The following ROBO2 variants were observed in gnomAD, a reference collection of about 807,000 sequenced individuals.
ROBO2 encodes the protein roundabout guidance receptor 2.
Under a neutral mutation model 160.8 loss-of-function variants are expected in ROBO2, and 53 were observed. That is an observed-to-expected ratio of 0.33 (90% confidence interval 0.26 to 0.41). The LOEUF (loss-of-function observed/expected upper bound fraction) is 0.41, where lower values mean the gene tolerates loss of function less well. Among genes scored for constraint, ROBO2 ranks in the 10% least tolerant of loss-of-function variants. ROBO2 has a pLI of 1.00. For missense variants in ROBO2, 1,577 were observed against 1,722.4 expected (o/e 0.92, Z 1.49); for synonymous variants, 664 against 611.7 (o/e 1.09, Z -1.26).
At chr3:76,044,004 T>G (rs1164016798) in intron 2 of ROBO2, among the ~76,000 whole-genome samples, 1 of 152,096 alleles carries the variant, frequency 6.6e-6, no homozygotes, top group Non-Finnish European at 1.5e-5. Flanking sequence ...AAACAAATAC[T>G]TTTAATACCC....
intron 2 of ROBO2, among the ~76,000 whole-genome samples, chr3:76,480,828 G>C (rs1029033498): frequency 2.0e-5 from 3 of 152,124 alleles, no homozygotes; most frequent in African/African-American, 7.2e-5. Flanking sequence ...TCACCTGATA[G>C]AAATATCAAT....
At chr3:77,120,006 G>C (rs2074591338) in intron 2 of ROBO2, among the ~76,000 whole-genome samples, 1 of 152,146 alleles carries the variant, frequency 6.6e-6, no homozygotes, top group African/African-American at 2.4e-5. Flanking sequence ...TGACTGTTAT[G>C]ATAGAATGTT....
chr3:77,592,427 T>C (rs2153685828), intron 17 of ROBO2, among the ~76,000 whole-genome samples: 1 of 152,310 alleles, frequency 6.6e-6, no homozygotes, highest in African/African-American at 2.4e-5. Context: ...TTTTTAAATT[T>C]AAATTATTTT....
intron 2 of ROBO2, among the ~76,000 whole-genome samples, chr3:77,165,123 G>A (rs1298477880): frequency 6.6e-6 from 1 of 151,882 alleles, no homozygotes. Flanking sequence ...ATGGAAAGGG[G>A]GGAAAGGCGG....
At chr3:75,948,202 T>C (rs953318126) in intron 2 of ROBO2, among the ~76,000 whole-genome samples, 2 of 152,128 alleles carry the variant, frequency 1.3e-5, no homozygotes, top group African/African-American at 4.8e-5. Context: ...CTTTTTGTTG[T>C]GTATGATATA....
intron 2 of ROBO2, among the ~76,000 whole-genome samples, chr3:76,265,393 T>C (rs1257258933): frequency 6.6e-6 from 1 of 152,180 alleles, no homozygotes; most frequent in Non-Finnish European, 1.5e-5. Context: ...TAAAAGTATC[T>C]TCAACTAGAC....
intron 9 of ROBO2, among the ~76,000 whole-genome samples, chr3:77,560,659 T>C (rs1001569818): frequency 3.3e-5 from 5 of 152,108 alleles, no homozygotes; most frequent in African/African-American, 1.2e-4. Flanking sequence ...GGCCAGCTAA[T>C]TGGTAACTGA....
chr3:77,508,256 C>T (rs551254542), intron 5 of ROBO2, among the ~76,000 whole-genome samples: 4 of 149,616 alleles, frequency 2.7e-5, no homozygotes, highest in African/African-American at 7.3e-5. Flanking sequence ...ATATTTGAAT[C>T]TCTAATCTTT....
intron 2 of ROBO2, among the ~76,000 whole-genome samples, chr3:77,195,893 G>A (rs937610711): frequency 6.6e-6 from 1 of 152,190 alleles, no homozygotes; most frequent in Non-Finnish European, 1.5e-5. Context: ...TTGCGCTGAT[G>A]AGCCAGGGAC....
chr3:77,524,267 A>G (rs967751994), intron 6 of ROBO2, among the ~76,000 whole-genome samples: 1 of 133,806 alleles, frequency 7.5e-6, no homozygotes, highest in African/African-American at 2.8e-5. Context: ...AAGGACTATG[A>G]TCATATATGA....
chr3:77,640,950 A>T (rs1475291304), intron 24 of ROBO2, among the ~76,000 whole-genome samples: 1 of 152,246 alleles, frequency 6.6e-6, no homozygotes, highest in Non-Finnish European at 1.5e-5. Flanking sequence ...TGGCCATTTT[A>T]AAAATTAAGC....
chr3:76,021,077 T>C (rs1036807327), intron 2 of ROBO2, among the ~76,000 whole-genome samples: 3 of 151,766 alleles, frequency 2.0e-5, no homozygotes, highest in African/African-American at 7.2e-5. Flanking sequence ...TTGTTCTTGA[T>C]ATTAAGTAAG....
intron 2 of ROBO2, among the ~76,000 whole-genome samples, chr3:76,374,705 T>C (rs1291886540): frequency 6.6e-6 from 1 of 152,006 alleles, no homozygotes; most frequent in African/African-American, 2.4e-5. Flanking sequence ...AATTGAAAAT[T>C]TAAGCAAAAA....
intron 2 of ROBO2, among the ~76,000 whole-genome samples, chr3:76,321,282 C>T (rs1392193820): frequency 1.3e-5 from 2 of 151,940 alleles, no homozygotes; most frequent in Admixed American, 6.6e-5. Context: ...TTTGGGAGGC[C>T]GAGGTGGGCG....
intron 2 of ROBO2, among the ~76,000 whole-genome samples, chr3:76,851,007 A>C (rs1234696023): frequency 6.6e-6 from 1 of 152,140 alleles, no homozygotes; most frequent in Non-Finnish European, 1.5e-5. Flanking sequence ...AAATGCCTGG[A>C]ATGTTTGCTT....
At chr3:76,921,232 C>T (rs1339588180) in intron 2 of ROBO2, among the ~76,000 whole-genome samples, 8 of 152,122 alleles carry the variant, frequency 5.3e-5, no homozygotes, top group South Asian at 4.2e-4. Flanking sequence ...GATATATATT[C>T]GTCCCATCAG....
At chr3:76,559,427 G>C (rs768155884) in intron 2 of ROBO2, among the ~76,000 whole-genome samples, 9 of 152,082 alleles carry the variant, frequency 5.9e-5, no homozygotes, top group Non-Finnish European at 8.8e-5. Context: ...GTACTGGGTG[G>C]AACATTTCAA....
intron 2 of ROBO2, among the ~76,000 whole-genome samples, chr3:76,469,138 CCAT>C (rs1262115174): frequency 1.3e-5 from 2 of 152,088 alleles, no homozygotes; most frequent in East Asian, 1.9e-4. Context: ...AGTCAAATGA[CCAT>C]CATTTTTCAT....
intron 2 of ROBO2, among the ~76,000 whole-genome samples, chr3:76,336,442 G>C (rs2073897245): frequency 1.3e-5 from 2 of 152,188 alleles, no homozygotes; most frequent in Admixed American, 1.3e-4. Context: ...GGCAGTCTCT[G>C]CTATGCCTAG....
Sources: gnomAD v4.1 joint callset for allele counts (sites outside exome capture counted in the v4.1 genomes callset) on GRCh38, gnomAD v4.1.1 for gene constraint, MANE v1.5 for transcripts, NCBI Gene and HGNC (gene_info 2026-07-23, HGNC 2026-07-21) for gene names.